SCAF4: variants seen among roughly 807,000 people sequenced by gnomAD.
SCAF4 encodes the protein SR-related CTD associated factor 4.
SCAF4 carries 25 observed loss-of-function variants against 129.8 expected under a neutral mutation model. The ratio of observed to expected loss-of-function variants is 0.19; its 90% CI spans 0.14 to 0.27. The LOEUF is 0.27. SCAF4 is among the 10% of genes least tolerant of loss of function. SCAF4 has a pLI of 1.00. For synonymous variants in SCAF4, 551 were observed against 497.7 expected, an observed-to-expected ratio of 1.11 and a Z score of -1.43; for missense variants, 1,246 against 1,457.1, an observed-to-expected ratio of 0.86 and a Z score of 2.36.
At chr21:31,698,874 C>A in intron 7 of SCAF4, among the ~76,000 whole-genome samples, 1 of 152,284 alleles carries the variant, frequency 6.6e-6, no homozygotes, top group Middle Eastern at 3.4e-3. Flanking sequence ...CCTACAACTG[C>A]GTGAGCCAGT....
intron 13 of SCAF4, 61 bp from the exon 14 acceptor site, chr21:31,691,991 C>T (rs922763391): frequency 2.4e-6 from 2 of 850,040 alleles, no homozygotes; most frequent in African/African-American, 3.4e-5. Context: ...CAAGATACAA[C>T]ACCAAGTAAG....
At chr21:31,678,969 T>C (rs1044208218) in intron 19 of SCAF4, among the ~76,000 whole-genome samples, 1 of 152,192 alleles carries the variant, frequency 6.6e-6, no homozygotes, top group Non-Finnish European at 1.5e-5. Context: ...ACAATGGTTA[T>C]TGATTAGATA....
In SCAF4 at chr21:31,671,824, T is replaced by C. The variant is rs144309308; in HGVS notation, c.3019A>G (p.Asn1007Asp). ...CGTTCCCGGTCATTTTCCACCCTAT[T>C]TCCAAAAGATCTTCTTCCAAACCTT... ...QERFGRRSFGNRVENDRERYG... is the reference protein window; with the variant it reads ...QERFGRRSFGDRVENDRERYG... The change falls in exon 20 of 20, where the codon AAT becomes GAT. Residue 1007 changes from asparagine (N) to aspartate (D), a missense_variant. By Grantham distance (23) the Asn-to-Asp change is conservative (BLOSUM62 1). Around this residue, in one of 6 missense-constraint regions of SCAF4, gnomAD observed 339 missense variants for 325.0 expected, o/e 1.04. Coordinates refer to ENST00000286835, the MANE Select transcript of SCAF4 (RefSeq NM_020706.2). The C allele has an allele frequency of 1.5e-4, 241 of 1,614,072 alleles. No individual in the cohort carries two copies. The highest frequency in any genetic ancestry group is 2.0e-4 in the Non-Finnish European group (233 of 1,180,020).
chr21:31,682,190 C>T (rs1301161377), intron 19 of SCAF4, among the ~76,000 whole-genome samples: 1 of 152,072 alleles, frequency 6.6e-6, no homozygotes, highest in African/African-American at 2.4e-5. Context: ...ACCATCCTGG[C>T]CAACATGGTG....
chr21:31,675,649 C>A (rs2049834993), intron 19 of SCAF4, among the ~76,000 whole-genome samples: 1 of 152,148 alleles, frequency 6.6e-6, no homozygotes, highest in Non-Finnish European at 1.5e-5. Context: ...TACAGCGAGG[C>A]ATTAGGGCAG....
chr21:31,711,550 T>G (rs566728806), intron 1 of SCAF4, among the ~76,000 whole-genome samples: 13 of 152,354 alleles, frequency 8.5e-5, no homozygotes, highest in African/African-American at 1.7e-4. Flanking sequence ...GCACTGAGGC[T>G]CAACAATCTG....
At chr21:31,701,526 A>G (rs1382251879) in intron 6 of SCAF4, among the ~76,000 whole-genome samples, 10 of 152,214 alleles carry the variant, frequency 6.6e-5, no homozygotes, top group Admixed American at 6.5e-4. Context: ...ATTGTGAGCA[A>G]CATGAGCCAC....
chr21:31,706,479 G>T (rs1363849754), intron 1 of SCAF4, 122 bp from the exon 2 acceptor site: 20 of 659,852 alleles, frequency 3.0e-5, no homozygotes, highest in Non-Finnish European at 4.8e-5. Flanking sequence ...GGTGAGGGGG[G>T]TCTTAGCAGC....
intron 19 of SCAF4, 83 bp downstream of exon 19, chr21:31,684,966 T>G: frequency 1.8e-6 from 1 of 559,166 alleles, no homozygotes. Context: ...ATTGTTTTTT[T>G]AAAAAAATCT....
intron 19 of SCAF4, among the ~76,000 whole-genome samples, chr21:31,680,761 G>A (rs1187227369): frequency 4.6e-5 from 7 of 152,164 alleles, no homozygotes; most frequent in African/African-American, 1.2e-4. Context: ...TAATATTCTA[G>A]TAAGTGTTGC....
Position 31,671,066 on chromosome 21 carries a change from C to A in SCAF4, c.*333G>T. The A allele has an allele frequency of 9.3e-6, 2 of 214,382 alleles. No homozygotes were observed. The highest frequency in any genetic ancestry group is 1.8e-5 in the Non-Finnish European group (2 of 109,714). The allele number at this position is 214,382 out of a possible 1,614,324, so 13.3% of individuals were successfully genotyped here. On this transcript the variant is annotated 3_prime_UTR_variant, in exon 20 of 20. Coordinates refer to ENST00000286835, the MANE Select transcript of SCAF4 (RefSeq NM_020706.2). Reference sequence around the variant, plus strand: ...GAAAATAGAGTTTATTAAAAACATCCCTATTGTTTTGAGGAGCTTTCACCG... The same window carrying A: ...GAAAATAGAGTTTATTAAAAACATCACTATTGTTTTGAGGAGCTTTCACCG...
intron 19 of SCAF4, among the ~76,000 whole-genome samples, chr21:31,674,955 C>T (rs888332155): frequency 6.6e-6 from 1 of 152,104 alleles, no homozygotes; most frequent in Non-Finnish European, 1.5e-5. Context: ...AGGTGGGACT[C>T]ATAAAGCTGG....
chr21:31,721,648 G>C (rs2051069068), intron 1 of SCAF4, among the ~76,000 whole-genome samples: 1 of 152,050 alleles, frequency 6.6e-6, no homozygotes, highest in African/African-American at 2.4e-5. Flanking sequence ...CAGGCAGTAA[G>C]TGGGTGAACT....
Position 31,714,344 on chromosome 21 carries a change from T to C in SCAF4, c.31-7987A>G, listed in dbSNP as rs117003820. Reference sequence around the variant, plus strand: ...GAGAAAACCATGAAATCCTCCTGCATAAAAATAACAACAGCCCCTCCAAAT... The same window carrying C: ...GAGAAAACCATGAAATCCTCCTGCACAAAAATAACAACAGCCCCTCCAAAT... On this transcript the variant is annotated intron_variant, in intron 1 of 19. Transcript: ENST00000286835. Among the ~76,000 whole-genome samples the C allele has an allele frequency of 9.8e-3, 1,488 of 152,230 alleles. 52 individuals carry two copies. Among genetic ancestry groups the C allele is most frequent in the East Asian group, 0.071 (365 of 5,176 alleles).
chr21:31,711,942 G>C (rs1253917458), intron 1 of SCAF4, among the ~76,000 whole-genome samples: 1 of 152,058 alleles, frequency 6.6e-6, no homozygotes, highest in Admixed American at 6.6e-5. Context: ...CTACAATACT[G>C]AATGTGGTGA....
At position 31,671,754 on chromosome 21, in the gene SCAF4, C is replaced by T. The variant is rs1262982775; in HGVS notation, c.3089G>A (p.Arg1030Lys). The T allele has an allele frequency of 6.2e-7, 1 of 1,614,196 alleles. No individual in the cohort carries two copies. Among genetic ancestry groups the T allele is most frequent in the Admixed American group, 1.7e-5 (1 of 60,032 alleles). Reference protein sequence around the residue: ...NDDRDNSNRDRREWGRRSPDR... With the variant: ...NDDRDNSNRDKREWGRRSPDR... ...AGGGCTCCTCCTTCCCCACTCTCTC[C>T]TGTCACGGTTACTATTATCTCTATC... The change falls in exon 20 of 20, where the codon AGG (arginine) becomes AAG (lysine). Residue 1030 changes from arginine to lysine, a missense_variant. This residue lies in a region of SCAF4 where 339 missense variants were observed against 325.0 expected (regional missense o/e 1.04). Transcript: ENST00000286835.
Position 31,692,520 on chromosome 21 carries a change from AATC to A in SCAF4, c.1514-74_1514-72del, listed in dbSNP as rs569347368. ...AGCAGCACTGTAGCTTACATTAAAA[AATC>A]ATTACACAAAATATTCATGAACTAT... On this transcript the variant is annotated intron_variant, in intron 12 of 19. Coordinates refer to ENST00000286835, the MANE Select transcript of SCAF4 (RefSeq NM_020706.2). 193 of 959,212 alleles carry A rather than the reference AATC, an allele frequency of 2.0e-4. No individual in the cohort carries two copies. The African/African-American group carries it at 2.8e-3, about 14-fold the overall frequency. The allele number at this position is 959,212 out of a possible 1,614,324, so 59.4% of individuals were successfully genotyped here.
intron 2 of SCAF4, 29 bp from the exon 3 acceptor site, chr21:31,705,496 T>C (rs1312440773): frequency 2.8e-6 from 3 of 1,052,692 alleles, no homozygotes; most frequent in African/African-American, 1.6e-5. Flanking sequence ...AAATTACTGT[T>C]CAGTTTACTT....
chr21:31,697,325 A>G (rs970000562), intron 7 of SCAF4, among the ~76,000 whole-genome samples: 1 of 152,212 alleles, frequency 6.6e-6, no homozygotes, highest in African/African-American at 2.4e-5. Flanking sequence ...CATGTAAAAA[A>G]AAATTCAAGA....
Sources: allele counts gnomAD v4.1 joint callset (sites outside exome capture counted in the v4.1 genomes callset), GRCh38; gene constraint gnomAD v4.1.1; regional missense constraint gnomAD v4.1.1; transcripts MANE v1.5; gene names NCBI Gene and HGNC (gene_info 2026-07-23, HGNC 2026-07-21).